Variants in SMOC1 observed in about 807,000 individuals in gnomAD.
SMOC1 encodes SPARC related modular calcium binding 1.
SMOC1 carries 22 observed loss-of-function variants against 56.3 expected under a neutral mutation model. The observed-to-expected ratio is 0.39, with a 90% CI of 0.28 to 0.56. SMOC1 has a LOEUF of 0.56. Ranked by LOEUF, SMOC1 falls within the 20% of genes least tolerant of loss-of-function variation. The pLI is 0.61. For synonymous variants in SMOC1, 193 were observed against 215.0 expected (o/e 0.90, Z 0.89); for missense variants, 509 against 565.4 (o/e 0.90, Z 1.01).
chr14:69,973,651 G>T (rs1275717900), intron 3 of SMOC1, among the ~76,000 whole-genome samples: 1 of 152,190 alleles, frequency 6.6e-6, no homozygotes. Flanking sequence ...CATTTAGACA[G>T]CATGCACCTT....
At chr14:69,913,029 G>A (rs1349459810) in intron 1 of SMOC1, among the ~76,000 whole-genome samples, 1 of 152,180 alleles carries the variant, frequency 6.6e-6, no homozygotes, top group Non-Finnish European at 1.5e-5. Context: ...GCTAATGGCT[G>A]GCATGTGGAG....
At chr14:70,030,130 G>A (rs1320422521) in intron 11 of SMOC1, 112 bp from the exon 12 acceptor site, 3 of 1,524,062 alleles carry the variant, frequency 2.0e-6, no homozygotes, top group Non-Finnish European at 2.7e-6. Context: ...CTGCACTTGT[G>A]GGGAAATTGA....
chr14:69,890,403 A>G lies in SMOC1; in HGVS notation c.99+10626A>G, dbSNP rs77152710. Among the ~76,000 whole-genome samples, 413 of 152,370 alleles carry G rather than the reference A, an allele frequency of 2.7e-3. 1 individual carries two copies. The highest frequency in any genetic ancestry group is 9.1e-3 in the African/African-American group (380 of 41,590). On this transcript the variant is annotated intron_variant, in intron 1 of 11. Coordinates refer to ENST00000361956, the MANE Select transcript of SMOC1 (RefSeq NM_001034852.3). ...AAGATGGTTTATGTGTTAAAAAATT[A>G]GGTAGATTGTATGTCATGCTGTTGG...
chr14:69,955,345 C>T (rs891709072), intron 3 of SMOC1, among the ~76,000 whole-genome samples: 1 of 152,080 alleles, frequency 6.6e-6, no homozygotes, highest in African/African-American at 2.4e-5. Flanking sequence ...AGCTCAGCCC[C>T]CACCCCTCAG....
intron 1 of SMOC1, among the ~76,000 whole-genome samples, chr14:69,923,601 T>A (rs1412035152): frequency 2.0e-5 from 3 of 152,210 alleles, no homozygotes; most frequent in Non-Finnish European, 2.9e-5. Context: ...TTTCCCCAGA[T>A]AATTTCATCG....
chr14:69,995,487 G>A (rs1299644310), intron 7 of SMOC1, among the ~76,000 whole-genome samples: 1 of 152,208 alleles, frequency 6.6e-6, no homozygotes, highest in Non-Finnish European at 1.5e-5. Flanking sequence ...TGGAGTGAAA[G>A]GAGACTGTGA....
chr14:69,942,812 A>C (rs1882613666), intron 1 of SMOC1, among the ~76,000 whole-genome samples: 1 of 152,212 alleles, frequency 6.6e-6, no homozygotes, highest in Admixed American at 6.5e-5. Flanking sequence ...GGCTGCAGAC[A>C]GACTCTGTGT....
At chr14:70,014,629 A>G (rs1463357086) in intron 10 of SMOC1, among the ~76,000 whole-genome samples, 4 of 152,204 alleles carry the variant, frequency 2.6e-5, no homozygotes, top group African/African-American at 9.6e-5. Context: ...ACTTCTGCTC[A>G]TGCTCATGAA....
intron 4 of SMOC1, among the ~76,000 whole-genome samples, chr14:69,976,018 T>C (rs796674319): frequency 4.6e-4 from 70 of 152,310 alleles, no homozygotes; most frequent in African/African-American, 1.6e-3. Context: ...TGTGTATTTA[T>C]GGATTTTGAG....
intron 2 of SMOC1, 138 bp downstream of exon 2, chr14:69,952,441 G>A (rs1170658517): frequency 2.0e-6 from 2 of 1,001,606 alleles, no homozygotes; most frequent in African/African-American, 3.2e-5. Flanking sequence ...CCTTCCACCA[G>A]GGCCAAGGGA....
At chr14:69,977,160 A>G (rs1301597780) in intron 4 of SMOC1, among the ~76,000 whole-genome samples, 3 of 152,236 alleles carry the variant, frequency 2.0e-5, no homozygotes, top group African/African-American at 7.2e-5. Context: ...TTAGGGAAAT[A>G]GAGATTCTTT....
At position 69,975,825 on chromosome 14, in the gene SMOC1, G is replaced by A. The variant is rs767089109; in HGVS notation, c.478+11G>A. On this transcript the variant is annotated intron_variant, in intron 4 of 11. Coordinates refer to ENST00000361956, the MANE Select transcript of SMOC1 (RefSeq NM_001034852.3). ...CTCCTGTATGTTCAGGTACCGTAGG[G>A]AGGGGCGGGAAGAATGAAAAGGGTT... The A allele has an allele frequency of 2.5e-6, 4 of 1,594,958 alleles. No individual in the cohort carries two copies. The highest frequency in any genetic ancestry group is 2.2e-5 in the East Asian group (1 of 44,780).
At chr14:69,892,831 A>G (rs957119164) in intron 1 of SMOC1, among the ~76,000 whole-genome samples, 22 of 152,218 alleles carry the variant, frequency 1.4e-4, no homozygotes, top group African/African-American at 5.1e-4. Context: ...AAAAAATATT[A>G]GCAATAATTC....
At chr14:69,976,032 A>G (rs1424240861) in intron 4 of SMOC1, among the ~76,000 whole-genome samples, 1 of 152,192 alleles carries the variant, frequency 6.6e-6, no homozygotes, top group Admixed American at 6.5e-5. Context: ...TTTTGAGTTT[A>G]GATTTTTGGT....
At chr14:70,027,556 T>C (rs559479271) in intron 11 of SMOC1, among the ~76,000 whole-genome samples, 1 of 151,948 alleles carries the variant, frequency 6.6e-6, no homozygotes, top group Non-Finnish European at 1.5e-5. Context: ...AGGAGCAGTG[T>C]GGGTATACCA....
chr14:70,004,174 A>G (rs1323634364), intron 7 of SMOC1, among the ~76,000 whole-genome samples: 2 of 152,206 alleles, frequency 1.3e-5, no homozygotes, highest in Non-Finnish European at 2.9e-5. Flanking sequence ...TCATCAAGGC[A>G]TCTTCCCAGT....
chr14:69,947,385 G>A (rs1160379165), intron 1 of SMOC1, among the ~76,000 whole-genome samples: 1 of 152,054 alleles, frequency 6.6e-6, no homozygotes, highest in Admixed American at 6.6e-5. Flanking sequence ...GCCCAGGCTG[G>A]TCTTGAACTC....
Position 69,879,436 on chromosome 14 carries a change from C to T in SMOC1, c.-243C>T, listed in dbSNP as rs1190267467. On this transcript the variant is annotated 5_prime_UTR_variant, in exon 1 of 12. Coordinates refer to ENST00000361956, the MANE Select transcript of SMOC1 (RefSeq NM_001034852.3). ...GGCTCAGGCGTCCAACCTGCTGCCG[C>T]CTGGGCCCCGCCGAGCGGAGCTAGC... 13 of 382,164 alleles carry T rather than the reference C, an allele frequency of 3.4e-5. No individual in the cohort carries two copies. The Admixed American group carries it at 6.1e-4, about 18-fold the overall frequency. 23.7% of individuals were successfully genotyped at this position (382,164 alleles called of 1,614,324 possible). A position where few individuals can be genotyped will look rare whatever the true frequency, so the allele number is the denominator to read the frequency against.
chr14:69,965,404 T>TAATAATAATAATAATAATAA (rs761154559), intron 3 of SMOC1, among the ~76,000 whole-genome samples: 1 of 149,400 alleles, frequency 6.7e-6, no homozygotes, highest in Non-Finnish European at 1.5e-5. Flanking sequence ...ATAATAATAA[T>TAATAATAATAATAATAATAA]AAAAAGATGA....
Sources: gnomAD v4.1 joint callset for allele counts (sites outside exome capture counted in the v4.1 genomes callset) on GRCh38, gnomAD v4.1.1 for gene constraint, MANE v1.5 for transcripts, NCBI Gene and HGNC (gene_info 2026-07-23, HGNC 2026-07-21) for gene names.